Variants in CEP112 observed in about 807,000 individuals in gnomAD.
CEP112 encodes the protein centrosomal protein of 112 kDa.
A neutral mutation model predicts 153.0 loss-of-function variants in CEP112; 127 were observed. The observed-to-expected ratio is 0.83, with a 90% CI of 0.72 to 0.96. The LOEUF (loss-of-function observed/expected upper bound fraction) is 0.96. CEP112 is among the 40% of genes least tolerant of loss of function. The probability of loss-of-function intolerance (pLI) is 0.00; values close to 1 mark genes in which losing one functional copy is unlikely to be tolerated. For missense variants in CEP112, 1,089 were observed against 1,101.2 expected, an observed-to-expected ratio of 0.99 and a Z score of 0.16; for synonymous variants, 358 against 374.4, an observed-to-expected ratio of 0.96 and a Z score of 0.51.
At chr17:66,146,475 A>G (rs1443049925) in intron 4 of CEP112, among the ~76,000 whole-genome samples, 3 of 152,018 alleles carry the variant, frequency 2.0e-5, no homozygotes, top group Non-Finnish European at 4.4e-5. Context: ...ATATTATTAT[A>G]TCTTCTTTTT....
chr17:65,706,146 A>C (rs997611398), intron 23 of CEP112, among the ~76,000 whole-genome samples: 1 of 152,250 alleles, frequency 6.6e-6, no homozygotes, highest in Non-Finnish European at 1.5e-5. Flanking sequence ...AAAAAGAAAC[A>C]AACATTTTAT....
At chr17:65,840,087 C>A (rs1027150916) in intron 21 of CEP112, among the ~76,000 whole-genome samples, 2 of 152,000 alleles carry the variant, frequency 1.3e-5, no homozygotes, top group African/African-American at 4.8e-5. Context: ...CCCACACTAC[C>A]CATAACAATC....
chr17:65,726,103 G>A (rs886389781), intron 23 of CEP112, among the ~76,000 whole-genome samples: 1 of 152,150 alleles, frequency 6.6e-6, no homozygotes, highest in Non-Finnish European at 1.5e-5. Context: ...CACTTTGGGA[G>A]GCTGAGGTGG....
intron 16 of CEP112, among the ~76,000 whole-genome samples, chr17:66,024,308 G>A (rs2065113719): frequency 6.6e-6 from 1 of 151,980 alleles, no homozygotes; most frequent in Non-Finnish European, 1.5e-5. Flanking sequence ...AGAACTAGAA[G>A]TCTTAGCCAG....
intron 17 of CEP112, among the ~76,000 whole-genome samples, chr17:65,968,569 G>A (rs1180905242): frequency 1.3e-5 from 2 of 152,138 alleles, no homozygotes; most frequent in East Asian, 1.9e-4. Flanking sequence ...CATTTATAGT[G>A]TAGCCATAAT....
chr17:65,772,380 C>G (rs865999042), intron 21 of CEP112, among the ~76,000 whole-genome samples: 5 of 152,018 alleles, frequency 3.3e-5, no homozygotes, highest in African/African-American at 4.8e-5. Context: ...AAAGAAGACA[C>G]AAATTACCAA....
chr17:65,757,487 C>T (rs933005846), intron 21 of CEP112, among the ~76,000 whole-genome samples: 2 of 152,062 alleles, frequency 1.3e-5, no homozygotes, highest in Non-Finnish European at 1.5e-5. Context: ...CAGAGAAATC[C>T]AGTATGAGTC....
intron 21 of CEP112, among the ~76,000 whole-genome samples, chr17:65,782,190 G>C (rs1453799931): frequency 6.6e-6 from 1 of 151,890 alleles, no homozygotes; most frequent in Non-Finnish European, 1.5e-5. Flanking sequence ...CAAAAGACAT[G>C]ACCAGACATT....
At position 66,063,026 on chromosome 17, in the gene CEP112, A is replaced by G. The variant is rs1480372750; in HGVS notation, c.1011T>C (p.Ile337=). The change falls in exon 11 of 27, where the codon ATT becomes ATC. Residue 337 remains isoleucine (I), a synonymous_variant. Coordinates refer to ENST00000535342, the MANE Select transcript of CEP112 (RefSeq NM_001199165.4). ...GTTCACATATCTTTTTCAGCTCTGC[A>G]ATCTGGTCTTCTTTAGTCTCTCTGA... ...QVIRETKEDQ[I]AELKKICEQS... The G allele has an allele frequency of 6.2e-7, 1 of 1,601,074 alleles. No individual in the cohort carries two copies. Among genetic ancestry groups the G allele is most frequent in the African/African-American group, 1.3e-5 (1 of 74,398 alleles).
At chr17:65,966,365 A>G (rs10853066) in intron 17 of CEP112, among the ~76,000 whole-genome samples, 152,291 of 152,334 alleles carry the variant, frequency 1, 76,124 homozygotes, top group Middle Eastern at 1. Flanking sequence ...GTATATGTAC[A>G]GGTGAACCTT....
chr17:65,962,274 T>G (rs1374398197), intron 17 of CEP112, among the ~76,000 whole-genome samples: 4 of 130,614 alleles, frequency 3.1e-5, no homozygotes, highest in Non-Finnish European at 6.5e-5. Context: ...ATATCTCATG[T>G]TTTTTTTTTA....
chr17:65,934,990 G>A (rs540626833), intron 18 of CEP112, among the ~76,000 whole-genome samples: 12 of 152,276 alleles, frequency 7.9e-5, no homozygotes, highest in African/African-American at 2.4e-4. Context: ...CAGCTCTCAT[G>A]AGACTCACCC....
intron 4 of CEP112, among the ~76,000 whole-genome samples, chr17:66,159,166 T>C (rs1388454879): frequency 2.0e-5 from 3 of 152,222 alleles, no homozygotes; most frequent in East Asian, 3.9e-4. Flanking sequence ...GTCAAAACCC[T>C]GAATAGACCA....
chr17:65,852,098 A>G, intron 20 of CEP112, 64 bp from the exon 21 acceptor site: 2 of 1,109,096 alleles, frequency 1.8e-6, no homozygotes, highest in South Asian at 3.0e-5. Context: ...AAGAAGAACC[A>G]ATGGGCAAAA....
chr17:66,046,046 TTTTC>T (rs2066189577), intron 12 of CEP112, among the ~76,000 whole-genome samples: 1 of 151,622 alleles, frequency 6.6e-6, no homozygotes, highest in Non-Finnish European at 1.5e-5. Context: ...TTTTTTTTCT[TTTTC>T]TTTTTTTTTT....
At chr17:66,048,939 A>G (rs1211754949) in intron 12 of CEP112, among the ~76,000 whole-genome samples, 1 of 152,182 alleles carries the variant, frequency 6.6e-6, no homozygotes, top group Non-Finnish European at 1.5e-5. Flanking sequence ...AGACTTATAC[A>G]TTTGACTAAG....
At chr17:66,159,675 T>A (rs1402910421) in intron 4 of CEP112, among the ~76,000 whole-genome samples, 1 of 152,182 alleles carries the variant, frequency 6.6e-6, no homozygotes, top group Non-Finnish European at 1.5e-5. Context: ...AAACTCTCAA[T>A]AAACTAGGTA....
At chr17:66,104,997 T>C (rs528537233) in intron 6 of CEP112, among the ~76,000 whole-genome samples, 1 of 152,332 alleles carries the variant, frequency 6.6e-6, no homozygotes, top group South Asian at 2.1e-4. Flanking sequence ...TATATTACTA[T>C]TATAACACTG....
chr17:65,970,300 A>C (rs966046208), intron 17 of CEP112, among the ~76,000 whole-genome samples: 1 of 120,504 alleles, frequency 8.3e-6, no homozygotes, highest in Non-Finnish European at 1.8e-5. Flanking sequence ...GTCATACTGC[A>C]TGTGTATCTC....
Sources: allele counts gnomAD v4.1 joint callset (sites outside exome capture counted in the v4.1 genomes callset), GRCh38; gene constraint gnomAD v4.1.1; transcripts MANE v1.5; gene names NCBI Gene and HGNC (gene_info 2026-07-23, HGNC 2026-07-21).